The following COX7A2L variants were observed in gnomAD, a reference collection of about 807,000 sequenced individuals.
COX7A2L encodes cytochrome c oxidase subunit 7A2-like, mitochondrial.
COX7A2L carries 18 observed loss-of-function variants against 14.2 expected under a neutral mutation model. The ratio of observed to expected loss-of-function variants is 1.27; its 90% CI spans 0.88 to 1.88. COX7A2L has a LOEUF of 1.88. Among genes scored for constraint, COX7A2L ranks in the 40% most tolerant of loss-of-function variants. The probability of loss-of-function intolerance (pLI) is 0.00; values close to 1 mark genes in which losing one functional copy is unlikely to be tolerated. For synonymous variants in COX7A2L, 65 were observed against 57.4 expected, an observed-to-expected ratio of 1.13 and a Z score of -0.60; for missense variants, 179 against 138.8, an observed-to-expected ratio of 1.29 and a Z score of -1.46.
chr2:42,367,999 G>T (rs79646025), intron 1 of COX7A2L, among the ~76,000 whole-genome samples: 2 of 152,164 alleles, frequency 1.3e-5, no homozygotes, highest in Non-Finnish European at 1.5e-5. Flanking sequence ...TCAAATCAAG[G>T]TGTTTGTGTT....
At chr2:42,347,660 A>T (rs1023006141), downstream of COX7A2L, among the ~76,000 whole-genome samples, 9 of 152,186 alleles carry the variant, frequency 5.9e-5, no homozygotes, top group African/African-American at 2.2e-4. Context: ...GGTGGCTCAC[A>T]CCTGTAATCC....
chr2:42,356,535 T>G (rs116473524), intron 1 of COX7A2L, among the ~76,000 whole-genome samples: 2,317 of 152,338 alleles, frequency 0.015, 34 homozygotes, highest in Non-Finnish European at 0.024. Context: ...CAGTGTAGGT[T>G]TGAGTATCTC....
At chr2:42,354,320 CTACAGTGACAAATATA>C (rs1558633051) in intron 1 of COX7A2L, among the ~76,000 whole-genome samples, 1 of 151,824 alleles carries the variant, frequency 6.6e-6, no homozygotes, top group African/African-American at 2.4e-5. Flanking sequence ...AGGAATAAAC[CTACAGTGACAAATATA>C]TAGAGTAATC....
chr2:42,361,243 G>C (rs2103914619), upstream of COX7A2L: 2 of 1,342,448 alleles, frequency 1.5e-6, no homozygotes, highest in Non-Finnish European at 1.0e-6. Flanking sequence ...CTGTGGTCCC[G>C]AGACTCAGCG....
In COX7A2L at chr2:42,339,919, C is replaced by T. The variant is rs1212176518; in HGVS notation, c.193-6050G>A. On this transcript the variant is annotated intron_variant, in intron 2 of 2. Transcript: ENST00000468711. This position sits in a 1 kb window ranked among gnomAD's most constrained non-coding sequence, Gnocchi z 5.4. The stretch of plus-strand genomic sequence containing the variant: ...CACACAACCCGTGAACCTCGCTGCT[C>T]TCTTCCTCTCCACCCACCTTGTTCA... Among the ~76,000 whole-genome samples, 1 of 152,172 alleles carries T rather than the reference C, an allele frequency of 6.6e-6. No individual in the cohort carries two copies. The highest frequency in any genetic ancestry group is 2.4e-5 in the African/African-American group (1 of 41,426).
intron 2 of COX7A2L, among the ~76,000 whole-genome samples, chr2:42,343,269 G>A (rs1670435270): frequency 6.6e-6 from 1 of 152,220 alleles, no homozygotes; most frequent in Non-Finnish European, 1.5e-5. Flanking sequence ...AAGGATAACT[G>A]CAGAATTCCT....
chr2:42,349,536 G>A lies in COX7A2L; in HGVS notation c.*1683C>T, dbSNP rs1484151573. On this transcript the variant is annotated 3_prime_UTR_variant, in exon 3 of 3. Coordinates refer to ENST00000234301, the MANE Select transcript of COX7A2L (RefSeq NM_004718.4). ...TAAGTGTTCTAAAATTGATTCTCAT[G>A]GTGGCTGTACAACTCCAAATACAGT... 2 of 152,166 alleles carry A rather than the reference G, an allele frequency of 1.3e-5. No individual in the cohort carries two copies. Among genetic ancestry groups the A allele is most frequent in the African/African-American group, 4.8e-5 (2 of 41,440 alleles). 9.4% of individuals were successfully genotyped at this position (152,166 alleles called of 1,614,324 possible).
chr2:42,337,161 G>T (rs1233185472), intron 2 of COX7A2L, among the ~76,000 whole-genome samples: 3 of 152,124 alleles, frequency 2.0e-5, no homozygotes, highest in Non-Finnish European at 4.4e-5. Flanking sequence ...TCCACCCATT[G>T]CTTAAATTCT....
upstream of COX7A2L, among the ~76,000 whole-genome samples, chr2:42,363,990 A>C (rs577013509): frequency 6.6e-6 from 1 of 152,270 alleles, no homozygotes; most frequent in South Asian, 2.1e-4. Flanking sequence ...TAAAATTTAA[A>C]TTGGGTAATA....
Position 42,351,203 on chromosome 2 carries a change from T to G in COX7A2L, c.*16A>C, listed in dbSNP as rs537615216. On this transcript the variant is annotated 3_prime_UTR_variant, in exon 3 of 3. Transcript: ENST00000234301. ...GGGTTTATGCCAAAAAACAAACCAGTCCTCTGCAGCCTAACTCATTTGTTT... is the reference window on the plus strand; with the variant it reads ...GGGTTTATGCCAAAAAACAAACCAGGCCTCTGCAGCCTAACTCATTTGTTT... 2.5e-6 allele frequency: 4 copies of G among 1,609,844 alleles called. No homozygotes were observed. In the Admixed American group the frequency reaches 6.7e-5, roughly 27 times the overall value.
intron 1 of COX7A2L, among the ~76,000 whole-genome samples, chr2:42,366,843 C>A (rs1034038518): frequency 2.0e-5 from 3 of 152,154 alleles, no homozygotes; most frequent in African/African-American, 7.2e-5. Flanking sequence ...GTTCTTCCCT[C>A]TTCAGCCTCC....
In COX7A2L at chr2:42,357,811, C is replaced by T. The variant is rs1415089453; in HGVS notation, c.72+3279G>A. Among the ~76,000 whole-genome samples the T allele has an allele frequency of 2.0e-5, 3 of 152,126 alleles. No individual in the cohort carries two copies. The East Asian group carries it at 5.8e-4, about 29-fold the overall frequency. On this transcript the variant is annotated intron_variant, in intron 1 of 2. Coordinates refer to ENST00000234301, the MANE Select transcript of COX7A2L (RefSeq NM_004718.4). ...TGTCTCATCTGAAAGGACAAACTAC[C>T]ACAACTCTGCATCAAGTTGCTCTGC...
chr2:42,365,320 C>CAT (rs1671144006), upstream of COX7A2L, among the ~76,000 whole-genome samples: 1 of 152,160 alleles, frequency 6.6e-6, no homozygotes, highest in African/African-American at 2.4e-5. Context: ...TGTAAGCCCA[C>CAT]ATACACACAC....
intron 1 of COX7A2L, among the ~76,000 whole-genome samples, chr2:42,357,402 AG>A (rs561156643): frequency 1.3e-5 from 2 of 152,124 alleles, no homozygotes; most frequent in Non-Finnish European, 2.9e-5. Flanking sequence ...TCAATCTCCT[AG>A]GCTCAAGTGA....
downstream of COX7A2L, among the ~76,000 whole-genome samples, chr2:42,348,874 C>T (rs1266605165): frequency 2.6e-5 from 4 of 152,008 alleles, no homozygotes; most frequent in Non-Finnish European, 5.9e-5. Context: ...GCCAAGATCA[C>T]GTCACTGCTC....
At position 42,353,193 on chromosome 2, in the gene COX7A2L, G is replaced by A. The variant is rs1670701840; in HGVS notation, c.204+19C>T. On this transcript the variant is annotated intron_variant, in intron 2 of 2. Transcript: ENST00000234301. ...TATTTATTTCACAGGCTTTTCTGTT[G>A]TAGAGTATCTTCCCTCACCTGGAAA... 4 of 1,611,866 alleles carry A rather than the reference G, an allele frequency of 2.5e-6. No homozygotes were observed. Among genetic ancestry groups the A allele is most frequent in the Non-Finnish European group, 3.4e-6 (4 of 1,179,490 alleles).
At chr2:42,362,346 A>C (rs1671076760), upstream of COX7A2L, among the ~76,000 whole-genome samples, 1 of 152,264 alleles carries the variant, frequency 6.6e-6, no homozygotes, top group Non-Finnish European at 1.5e-5. Flanking sequence ...TTACACAAGC[A>C]TATTCTAGAT....
chr2:42,357,336 T>G (rs139507287), intron 1 of COX7A2L, among the ~76,000 whole-genome samples: 1 of 152,168 alleles, frequency 6.6e-6, no homozygotes, highest in Non-Finnish European at 1.5e-5. Flanking sequence ...TATAGATAGA[T>G]CTTACACTGT....
upstream of COX7A2L, chr2:42,361,676 AG>A: frequency 6.5e-6 from 1 of 153,016 alleles, no homozygotes; most frequent in South Asian, 1.9e-4. Context: ...TGTGCTGCGG[AG>A]CCACCGTCTG....
Sources: gnomAD v4.1 joint callset for allele counts (sites outside exome capture counted in the v4.1 genomes callset) on GRCh38, gnomAD v4.1.1 for gene constraint, Gnocchi (gnomAD v3.1) non-coding constraint, MANE v1.5 for transcripts, NCBI Gene and HGNC (gene_info 2026-07-23, HGNC 2026-07-21) for gene names.